Variants in ATP9A observed in about 807,000 individuals in gnomAD.
ATP9A encodes the protein probable phospholipid-transporting ATPase IIA.
In ATP9A, 52 loss-of-function variants were observed where a neutral mutation model predicts 144.1. That is an observed-to-expected ratio of 0.36 (90% CI 0.29 to 0.45). The LOEUF is 0.45. Among genes scored for constraint, ATP9A ranks in the 20% least tolerant of loss-of-function variants. The pLI, the probability that ATP9A is intolerant of heterozygous loss-of-function variation, is 1.00. For missense variants in ATP9A, 947 were observed against 1,392.7 expected, an observed-to-expected ratio of 0.68 and a Z score of 5.09; for synonymous variants, 582 against 557.4, an observed-to-expected ratio of 1.04 and a Z score of -0.62.
intron 1 of ATP9A, among the ~76,000 whole-genome samples, chr20:51,757,461 T>C (rs547921702): frequency 6.6e-6 from 1 of 152,300 alleles, no homozygotes; most frequent in South Asian, 2.1e-4. Flanking sequence ...TCCTTGGCAT[T>C]TGCTAAATGC....
intron 18 of ATP9A, among the ~76,000 whole-genome samples, chr20:51,624,483 T>G (rs1448614042): frequency 6.6e-6 from 1 of 151,892 alleles, no homozygotes; most frequent in Non-Finnish European, 1.5e-5. Flanking sequence ...ACTGGTAGAG[T>G]GCAAAATGCT....
chr20:51,728,356 C>T (rs56695950), intron 2 of ATP9A, among the ~76,000 whole-genome samples: 10,276 of 152,136 alleles, frequency 0.068, 795 homozygotes, highest in African/African-American at 0.19. Context: ...GCTGGGAGCG[C>T]TGGCTCGTGC....
chr20:51,661,968 A>G (rs1440958850), intron 13 of ATP9A, among the ~76,000 whole-genome samples: 1 of 152,212 alleles, frequency 6.6e-6, no homozygotes, highest in South Asian at 2.1e-4. Context: ...TCATTTGGTC[A>G]TGTCTGGAGA....
intron 7 of ATP9A, among the ~76,000 whole-genome samples, 180 bp downstream of exon 7, chr20:51,693,828 G>A (rs75247776): frequency 0.035 from 5,350 of 152,216 alleles, 130 homozygotes; most frequent in Non-Finnish European, 0.056. Context: ...CCCTGCACTC[G>A]GGGTCTGCTT....
chr20:51,657,439 G>C (rs771250470), intron 13 of ATP9A, among the ~76,000 whole-genome samples: 1 of 152,018 alleles, frequency 6.6e-6, no homozygotes, highest in African/African-American at 2.4e-5. Context: ...GGGTGGTGTC[G>C]GGGGCTTTTG....
chr20:51,727,192 T>A (rs1170276481), intron 2 of ATP9A, among the ~76,000 whole-genome samples: 1 of 151,606 alleles, frequency 6.6e-6, no homozygotes, highest in Non-Finnish European at 1.5e-5. Context: ...AGAGAATCGC[T>A]TGAACACAAG....
At chr20:51,742,978 C>T (rs2077791512) in intron 1 of ATP9A, among the ~76,000 whole-genome samples, 1 of 152,214 alleles carries the variant, frequency 6.6e-6, no homozygotes, top group African/African-American at 2.4e-5. Context: ...TTTATCACTG[C>T]AGCACCCAGA....
chr20:51,764,175 C>T (rs967372070), intron 1 of ATP9A, among the ~76,000 whole-genome samples: 1 of 152,182 alleles, frequency 6.6e-6, no homozygotes, highest in African/African-American at 2.4e-5. Context: ...ACAACTGAGA[C>T]TCAGAGAGGT....
chr20:51,645,453 G>C (rs1484350135), intron 14 of ATP9A, among the ~76,000 whole-genome samples: 5 of 152,148 alleles, frequency 3.3e-5, no homozygotes, highest in African/African-American at 7.2e-5. Context: ...CCGGGAGGTG[G>C]AGTTTGCAGT....
intron 4 of ATP9A, among the ~76,000 whole-genome samples, chr20:51,704,331 A>G (rs536613655): frequency 6.6e-6 from 1 of 151,536 alleles, no homozygotes; most frequent in Non-Finnish European, 1.5e-5. Flanking sequence ...GGAAATAAAT[A>G]CCTTTTGGGA....
intron 3 of ATP9A, among the ~76,000 whole-genome samples, chr20:51,716,368 G>A (rs766478723): frequency 3.3e-5 from 5 of 151,784 alleles, no homozygotes; most frequent in Admixed American, 6.6e-5. Context: ...AGGCTGAGGC[G>A]GGAAGATCGC....
intron 13 of ATP9A, among the ~76,000 whole-genome samples, chr20:51,666,925 A>G (rs1395059863): frequency 6.6e-6 from 1 of 152,172 alleles, no homozygotes; most frequent in African/African-American, 2.4e-5. Context: ...AAGCTTCCAT[A>G]TGTCCCATCA....
At chr20:51,654,195 C>T (rs1054433881) in intron 14 of ATP9A, among the ~76,000 whole-genome samples, 9 of 152,108 alleles carry the variant, frequency 5.9e-5, no homozygotes, top group Non-Finnish European at 1.2e-4. Flanking sequence ...TGTCAACAGT[C>T]ACGGATGAAC....
At chr20:51,733,169 C>T (rs1339411984) in intron 1 of ATP9A, among the ~76,000 whole-genome samples, 3 of 152,128 alleles carry the variant, frequency 2.0e-5, no homozygotes. Context: ...TGCATATGCA[C>T]AAAGTACAGG....
chr20:51,689,240 C>G, intron 8 of ATP9A, 101 bp from the exon 9 acceptor site: 2 of 1,195,352 alleles, frequency 1.7e-6, no homozygotes, highest in Non-Finnish European at 2.4e-6. Flanking sequence ...GACAGGCTCC[C>G]CCCGATGAAC....
chr20:51,693,456 G>A (rs760239468), intron 7 of ATP9A, among the ~76,000 whole-genome samples: 3 of 152,186 alleles, frequency 2.0e-5, no homozygotes, highest in African/African-American at 7.2e-5. Context: ...AGCTGAAGAC[G>A]ACAGCAAGCA....
intron 14 of ATP9A, 26 bp from the exon 15 acceptor site, chr20:51,639,530 C>A: frequency 6.3e-7 from 1 of 1,582,844 alleles, no homozygotes; most frequent in South Asian, 1.2e-5. Flanking sequence ...GGTCGAAGGT[C>A]AGATGCCCAG....
intron 2 of ATP9A, among the ~76,000 whole-genome samples, 178 bp from the exon 3 acceptor site, chr20:51,726,110 C>T (rs934038016): frequency 6.6e-6 from 1 of 151,946 alleles, no homozygotes; most frequent in Non-Finnish European, 1.5e-5. Context: ...GGTCAGGATT[C>T]GAGACCAGCC....
intron 20 of ATP9A, 56 bp downstream of exon 20, chr20:51,618,898 G>C: frequency 6.2e-7 from 1 of 1,602,018 alleles, no homozygotes; most frequent in African/African-American, 1.3e-5. Context: ...CCCTGCCGAA[G>C]CCGGGTAAGA....
Sources: gnomAD v4.1 joint callset for allele counts (sites outside exome capture counted in the v4.1 genomes callset) on GRCh38, gnomAD v4.1.1 for gene constraint, MANE v1.5 for transcripts, NCBI Gene and HGNC (gene_info 2026-07-23, HGNC 2026-07-21) for gene names.